FAM178B: variants seen among roughly 807,000 people sequenced by gnomAD.
FAM178B encodes protein FAM178B.
In FAM178B, 82 loss-of-function variants were observed where a neutral mutation model predicts 91.7. That is an observed-to-expected ratio of 0.89 (90% CI 0.75 to 1.07). The LOEUF is 1.07. Ranked by LOEUF, FAM178B falls within the 50% of genes least tolerant of loss-of-function variation. The pLI, the probability that FAM178B is intolerant of heterozygous loss-of-function variation, is 0.00. For missense variants in FAM178B, 769 were observed against 846.7 expected (o/e 0.91, Z 1.14); for synonymous variants, 368 against 359.4 (o/e 1.02, Z -0.27).
At chr2:96,905,757 A>C (rs2081018446) in intron 12 of FAM178B, among the ~76,000 whole-genome samples, 2 of 143,698 alleles carry the variant, frequency 1.4e-5, no homozygotes, top group South Asian at 4.5e-4. Context: ...ACCAACATGG[A>C]GAAAACTCGT....
intron 3 of FAM178B, among the ~76,000 whole-genome samples, chr2:96,971,374 G>A (rs1161687317): frequency 6.6e-6 from 1 of 150,536 alleles, no homozygotes; most frequent in Admixed American, 6.7e-5. Context: ...TCTCTCGCAG[G>A]CTGTTACAAA....
At chr2:96,974,406 G>T (rs1240157971) in intron 1 of FAM178B, among the ~76,000 whole-genome samples, 1 of 131,202 alleles carries the variant, frequency 7.6e-6, no homozygotes, top group Non-Finnish European at 1.6e-5. Context: ...AAAAAAAAAA[G>T]GAAATGAGGA....
Position 96,970,673 on chromosome 2 carries a change from T to C in FAM178B, c.626+43A>G, listed in dbSNP as rs887743145. On this transcript the variant is annotated intron_variant, in intron 4 of 16. Transcript: ENST00000490605. ...TGAGTCCCGGGACTGCTGCCAACCC[T>C]GCAGAAATAAGCACCCCATGACAGG... 4.1e-6 allele frequency: 6 copies of C among 1,478,342 alleles called. No homozygotes were observed. In the African/African-American group the frequency reaches 8.4e-5, roughly 21 times the overall value. 91.6% of individuals were successfully genotyped at this position (1,478,342 alleles called of 1,614,324 possible).
intron 12 of FAM178B, among the ~76,000 whole-genome samples, chr2:96,903,330 C>T (rs147445712): frequency 0.017 from 2,574 of 152,364 alleles, 31 homozygotes; most frequent in Non-Finnish European, 0.026. Context: ...TGAGCCACCG[C>T]GCCCGGCTGA....
intron 1 of FAM178B, among the ~76,000 whole-genome samples, chr2:96,980,232 C>T (rs2082344625): frequency 6.6e-6 from 1 of 151,940 alleles, no homozygotes. Flanking sequence ...TGCACCACCA[C>T]ACCCAGCTAA....
intron 14 of FAM178B, among the ~76,000 whole-genome samples, chr2:96,879,310 G>A (rs966009253): frequency 2.6e-5 from 4 of 152,188 alleles, no homozygotes; most frequent in African/African-American, 2.4e-5. Context: ...GACCAGCCCC[G>A]AGGACGAGTA....
chr2:96,886,234 C>T (rs1361175661), intron 14 of FAM178B, among the ~76,000 whole-genome samples: 1 of 152,224 alleles, frequency 6.6e-6, no homozygotes, highest in Non-Finnish European at 1.5e-5. Context: ...ATGGTGGTGA[C>T]TCCAGCCCTG....
chr2:96,918,452 G>A (rs1249321333), intron 12 of FAM178B, among the ~76,000 whole-genome samples: 1 of 152,140 alleles, frequency 6.6e-6, no homozygotes, highest in African/African-American at 2.4e-5. Context: ...TAGAACCACA[G>A]GATGATGTTT....
chr2:96,902,239 G>A lies in FAM178B; in HGVS notation c.1650+381C>T, dbSNP rs540730244. Among the ~76,000 whole-genome samples the A allele has an allele frequency of 4.6e-5, 7 of 152,136 alleles. No individual in the cohort carries two copies. The East Asian group carries it at 1.2e-3, about 25-fold the overall frequency. The stretch of plus-strand genomic sequence containing the variant: ...TCCTGCCTCAGCCTCCCGAGTAGCT[G>A]GGACTACAGGCACCCGCCACCACAC... On this transcript the variant is annotated intron_variant, in intron 13 of 16. Coordinates refer to ENST00000490605, the MANE Select transcript of FAM178B (RefSeq NM_001122646.3).
chr2:96,952,723 C>A (rs2153373654), intron 6 of FAM178B, among the ~76,000 whole-genome samples: 1 of 152,280 alleles, frequency 6.6e-6, no homozygotes, highest in African/African-American at 2.4e-5. Context: ...GGGTAGGATT[C>A]TCCTACGTCC....
At chr2:96,885,908 C>T (rs976712209) in intron 14 of FAM178B, among the ~76,000 whole-genome samples, 1 of 152,170 alleles carries the variant, frequency 6.6e-6, no homozygotes, top group Non-Finnish European at 1.5e-5. Context: ...TGTCAGTGTG[C>T]GTGTGAGCGT....
At chr2:96,935,861 C>T (rs930255294) in intron 8 of FAM178B, among the ~76,000 whole-genome samples, 1 of 151,542 alleles carries the variant, frequency 6.6e-6, no homozygotes, top group Non-Finnish European at 1.5e-5. Flanking sequence ...GTCTCGAACT[C>T]CTGACCTCAG....
At chr2:96,878,540 G>T in intron 14 of FAM178B, 47 bp from the exon 15 acceptor site, 1 of 1,580,148 alleles carries the variant, frequency 6.3e-7, no homozygotes. Flanking sequence ...TCCACCCAGG[G>T]CAGCATGGCG....
intron 1 of FAM178B, among the ~76,000 whole-genome samples, chr2:96,979,923 T>C (rs1000355688): frequency 6.6e-6 from 1 of 152,254 alleles, no homozygotes; most frequent in Non-Finnish European, 1.5e-5. Context: ...ATGTCCATTA[T>C]AGTAGATAGG....
chr2:96,905,835 TATATATATATATATATATATATATA>T (rs1559064043), intron 12 of FAM178B, among the ~76,000 whole-genome samples: 126 of 22,502 alleles, frequency 5.6e-3, no homozygotes, highest in Non-Finnish European at 0.01. Context: ...TATATATATA[TATATATATATATATATATATATATA>T]TTTTTTTTTT....
At chr2:96,901,643 C>T (rs2080934733) in intron 13 of FAM178B, among the ~76,000 whole-genome samples, 1 of 152,044 alleles carries the variant, frequency 6.6e-6, no homozygotes, top group African/African-American at 2.4e-5. Flanking sequence ...AAAAAATGGG[C>T]TGTGGGCACT....
chr2:96,909,736 C>T (rs531667118), intron 12 of FAM178B, among the ~76,000 whole-genome samples: 12 of 152,290 alleles, frequency 7.9e-5, no homozygotes, highest in African/African-American at 2.9e-4. Flanking sequence ...CTGGGCCTCC[C>T]TTTTCAACTC....
At chr2:96,880,839 C>T (rs2080363771) in intron 14 of FAM178B, among the ~76,000 whole-genome samples, 1 of 152,208 alleles carries the variant, frequency 6.6e-6, no homozygotes, top group African/African-American at 2.4e-5. Context: ...TGTGATCCGC[C>T]CGCCTCGGCC....
chr2:96,900,109 A>C (rs1411792918), intron 13 of FAM178B, among the ~76,000 whole-genome samples: 1 of 151,916 alleles, frequency 6.6e-6, no homozygotes, highest in Non-Finnish European at 1.5e-5. Flanking sequence ...AACTGGCTCT[A>C]ACTCTCTCTC....
Sources: allele counts gnomAD v4.1 joint callset (sites outside exome capture counted in the v4.1 genomes callset), GRCh38; gene constraint gnomAD v4.1.1; transcripts MANE v1.5; gene names NCBI Gene and HGNC (gene_info 2026-07-23, HGNC 2026-07-21).